Variants in SLC9C1 observed in about 807,000 individuals in gnomAD.
SLC9C1 encodes the protein solute carrier family 9 member C1, also known as sodium/hydrogen exchanger 10.
Under a neutral mutation model 140.9 loss-of-function variants are expected in SLC9C1, and 97 were observed. That is an observed-to-expected ratio of 0.69 (90% CI 0.58 to 0.82). SLC9C1 has a LOEUF of 0.82. Among genes scored for constraint, SLC9C1 ranks in the 40% least tolerant of loss-of-function variants. The pLI is 0.00. For missense variants in SLC9C1, 1,340 were observed against 1,389.3 expected (o/e 0.96, Z 0.56); for synonymous variants, 440 against 442.6 (o/e 0.99, Z 0.07).
intron 2 of SLC9C1, among the ~76,000 whole-genome samples, chr3:112,284,454 C>A (rs1487820403): frequency 6.6e-6 from 1 of 152,106 alleles, no homozygotes; most frequent in Non-Finnish European, 1.5e-5. Context: ...TTTCAGAAGT[C>A]GGCATGAATT....
intron 23 of SLC9C1, among the ~76,000 whole-genome samples, chr3:112,177,670 C>T (rs1473903283): frequency 4.8e-5 from 7 of 145,950 alleles, no homozygotes; most frequent in African/African-American, 1.5e-4. Context: ...TATAACAAAC[C>T]TGCACATGTA....
chr3:112,177,292 C>G (rs1450854880), intron 23 of SLC9C1, among the ~76,000 whole-genome samples: 1 of 151,836 alleles, frequency 6.6e-6, no homozygotes, highest in Admixed American at 6.6e-5. Flanking sequence ...CAGGCGTGAC[C>G]CGCCACACCT....
At chr3:112,163,920 G>A (rs1253848816) in intron 26 of SLC9C1, among the ~76,000 whole-genome samples, 1 of 152,078 alleles carries the variant, frequency 6.6e-6, no homozygotes, top group Non-Finnish European at 1.5e-5. Flanking sequence ...TCTCTTTGTA[G>A]GTCACTCAGG....
intron 28 of SLC9C1, among the ~76,000 whole-genome samples, chr3:112,143,246 T>C (rs2074684732): frequency 6.6e-6 from 1 of 152,116 alleles, no homozygotes; most frequent in African/African-American, 2.4e-5. Context: ...TATATATATA[T>C]ATATATCTCC....
At chr3:112,183,479 T>C (rs1302122495) in intron 20 of SLC9C1, among the ~76,000 whole-genome samples, 2 of 147,334 alleles carry the variant, frequency 1.4e-5, no homozygotes, top group Non-Finnish European at 3.0e-5. Flanking sequence ...CCAGGTGTTA[T>C]ACAAGACCAA....
At chr3:112,239,105 C>A (rs1226619015) in intron 12 of SLC9C1, among the ~76,000 whole-genome samples, 1 of 152,182 alleles carries the variant, frequency 6.6e-6, no homozygotes, top group African/African-American at 2.4e-5. Flanking sequence ...TGGGCTCCAC[C>A]CAGTTCGAGC....
At chr3:112,218,551 A>G (rs368095045) in intron 14 of SLC9C1, among the ~76,000 whole-genome samples, 1 of 152,254 alleles carries the variant, frequency 6.6e-6, no homozygotes, top group Non-Finnish European at 1.5e-5. Flanking sequence ...AATGTTGAAT[A>G]TGTATATGAC....
intron 1 of SLC9C1, among the ~76,000 whole-genome samples, chr3:112,290,814 C>CTTT (rs11412854): frequency 6.2e-4 from 85 of 137,954 alleles, no homozygotes; most frequent in Non-Finnish European, 1.0e-3. Context: ...TCTTTTCCTT[C>CTTT]TTTTTTTTTT....
At chr3:112,247,290 T>C (rs1422520025) in intron 10 of SLC9C1, among the ~76,000 whole-genome samples, 1 of 152,130 alleles carries the variant, frequency 6.6e-6, no homozygotes, top group Non-Finnish European at 1.5e-5. Context: ...CTATTTTATA[T>C]CTAGGGTGGA....
At chr3:112,198,661 T>C (rs111528807) in intron 20 of SLC9C1, among the ~76,000 whole-genome samples, 2 of 152,198 alleles carry the variant, frequency 1.3e-5, no homozygotes, top group African/African-American at 4.8e-5. Flanking sequence ...ATAGTTTTTC[T>C]TCTTCATCTC....
chr3:112,167,446 G>T, intron 25 of SLC9C1, 99 bp from the exon 26 acceptor site: 1 of 1,108,770 alleles, frequency 9.0e-7, no homozygotes, highest in Non-Finnish European at 1.2e-6. Flanking sequence ...TAGGTATCTG[G>T]GAAAAATGGA....
Position 112,191,303 on chromosome 3 carries a change from A to G in SLC9C1, c.2523+8018T>C, listed in dbSNP as rs138534693. 1.2e-4 allele frequency among the ~76,000 whole-genome samples: 19 copies of G among 152,142 alleles called. 1 individual carries two copies. The East Asian group carries it at 3.7e-3, about 29-fold the overall frequency. ...CTCTCTGATTTTTCAACTTTTCCTC[A>G]TTGAGGATGATGTGAGCAATGGGTT... On this transcript the variant is annotated intron_variant, in intron 20 of 28. Transcript: ENST00000305815.
At chr3:112,154,470 A>G (rs1373417729) in intron 27 of SLC9C1, among the ~76,000 whole-genome samples, 1 of 152,232 alleles carries the variant, frequency 6.6e-6, no homozygotes, top group Non-Finnish European at 1.5e-5. Context: ...CCCCAGGGTC[A>G]TAGAGGAATA....
At chr3:112,269,595 A>C (rs781115658) in intron 7 of SLC9C1, among the ~76,000 whole-genome samples, 15 of 152,296 alleles carry the variant, frequency 9.8e-5, no homozygotes, top group Non-Finnish European at 1.5e-4. Context: ...TAAGATATTT[A>C]AATATTTTTA....
chr3:112,199,493 A>G, intron 19 of SLC9C1, 24 bp from the exon 20 acceptor site: 1 of 1,515,628 alleles, frequency 6.6e-7, no homozygotes, highest in East Asian at 2.4e-5. Flanking sequence ...AAATATTTTT[A>G]GATTAAATAA....
intron 28 of SLC9C1, among the ~76,000 whole-genome samples, chr3:112,148,974 G>A (rs1427792661): frequency 6.6e-6 from 1 of 152,072 alleles, no homozygotes; most frequent in African/African-American, 2.4e-5. Context: ...AGAAGAGTGG[G>A]TGCTTCAGAT....
chr3:112,169,298 C>A lies in SLC9C1; in HGVS notation c.2950G>T (p.Asp984Tyr). The change falls in exon 24 of 29, where the codon GAT becomes TAT. Residue 984 changes from aspartate to tyrosine, a missense_variant. Coordinates refer to ENST00000305815, the MANE Select transcript of SLC9C1 (RefSeq NM_183061.3). ...AGAGGAGAGCATTGCTCAAAAGCAT[C>A]ATACAAGTGAGTTTTGGGAATAAAA... Reference protein sequence around the residue: ...TCFIPKTHLYDAFEQCSPLIK... With the variant: ...TCFIPKTHLYYAFEQCSPLIK... The A allele has an allele frequency of 1.9e-6, 3 of 1,611,042 alleles. No individual in the cohort carries two copies. The highest frequency in any genetic ancestry group is 2.5e-6 in the Non-Finnish European group (3 of 1,179,058).
chr3:112,143,369 A>T (rs971471334), intron 28 of SLC9C1, among the ~76,000 whole-genome samples: 1 of 152,100 alleles, frequency 6.6e-6, no homozygotes, highest in African/African-American at 2.4e-5. Context: ...CAGTGTATAC[A>T]TGTTTCCTTT....
chr3:112,282,663 A>T (rs1443136980), intron 2 of SLC9C1, among the ~76,000 whole-genome samples: 135 of 5,628 alleles, frequency 0.024, no homozygotes, highest in Non-Finnish European at 0.056. Context: ...TCAGTTAATA[A>T]TGAAAAAAAA....
Sources: allele counts gnomAD v4.1 joint callset (sites outside exome capture counted in the v4.1 genomes callset), GRCh38; gene constraint gnomAD v4.1.1; transcripts MANE v1.5; gene names NCBI Gene and HGNC (gene_info 2026-07-23, HGNC 2026-07-21).